CFAP54: variants seen among roughly 807,000 people sequenced by gnomAD.
CFAP54 encodes cilia- and flagella-associated protein 54.
CFAP54 carries 290 observed loss-of-function variants against 370.4 expected under a neutral mutation model. That is an observed-to-expected ratio of 0.78 (90% confidence interval 0.71 to 0.86). The LOEUF is 0.86. Among genes scored for constraint, CFAP54 ranks in the 40% least tolerant of loss-of-function variants. The pLI is 0.00. For synonymous variants in CFAP54, 1,206 were observed against 1,236.5 expected (o/e 0.98, Z 0.52); for missense variants, 3,399 against 3,528.7 (o/e 0.96, Z 0.93).
intron 14 of CFAP54, among the ~76,000 whole-genome samples, chr12:96,542,817 A>G (rs1294807264): frequency 6.6e-6 from 1 of 152,232 alleles, no homozygotes; most frequent in Non-Finnish European, 1.5e-5. Context: ...ATCAGAATCC[A>G]AACAAGGCCC....
At chr12:96,817,725 T>C (rs1224547018) in intron 64 of CFAP54, 50 bp from the exon 65 acceptor site, 6 of 1,273,630 alleles carry the variant, frequency 4.7e-6, no homozygotes, top group Non-Finnish European at 6.1e-6. Flanking sequence ...CGGCCATAAA[T>C]ACCTTTCTTA....
chr12:96,747,281 C>T (rs1321464577), intron 55 of CFAP54, among the ~76,000 whole-genome samples: 2 of 152,168 alleles, frequency 1.3e-5, no homozygotes, highest in Non-Finnish European at 2.9e-5. Context: ...CACAACATTA[C>T]AAAATATTCA....
chr12:96,834,618 T>G (rs529729384), intron 66 of CFAP54, among the ~76,000 whole-genome samples: 10 of 152,322 alleles, frequency 6.6e-5, no homozygotes, highest in African/African-American at 1.9e-4. Flanking sequence ...AACACAGTGG[T>G]GCCCAGAAGC....
intron 47 of CFAP54, among the ~76,000 whole-genome samples, chr12:96,705,231 C>A (rs926925375): frequency 6.6e-6 from 1 of 152,000 alleles, no homozygotes; most frequent in South Asian, 2.1e-4. Flanking sequence ...TAGGAAACAG[C>A]ATTAAGTAAG....
At chr12:96,550,456 A>G (rs1181840145) in intron 15 of CFAP54, among the ~76,000 whole-genome samples, 2 of 152,190 alleles carry the variant, frequency 1.3e-5, no homozygotes, top group Admixed American at 6.5e-5. Context: ...GCCTGCCTGT[A>G]GTCCCAGCTA....
At chr12:96,850,993 C>G (rs181610258) in intron 66 of CFAP54, among the ~76,000 whole-genome samples, 15 of 152,306 alleles carry the variant, frequency 9.8e-5, no homozygotes, top group Admixed American at 5.2e-4. Flanking sequence ...CAAACCATAT[C>G]AGTGTAAAAA....
At chr12:96,684,244 G>A (rs7305772) in intron 40 of CFAP54, among the ~76,000 whole-genome samples, 37,348 of 151,976 alleles carry the variant, frequency 0.25, 4,759 homozygotes, top group South Asian at 0.29. Context: ...GGCAGTCAGA[G>A]GCCCTCAGAA....
intron 26 of CFAP54, among the ~76,000 whole-genome samples, chr12:96,609,186 C>CTTA (rs1375004311): frequency 6.6e-6 from 1 of 152,162 alleles, no homozygotes; most frequent in East Asian, 1.9e-4. Flanking sequence ...ATGTAGTGTC[C>CTTA]TTCAAATCTG....
At chr12:96,643,749 C>T (rs1337419157) in intron 32 of CFAP54, among the ~76,000 whole-genome samples, 1 of 152,076 alleles carries the variant, frequency 6.6e-6, no homozygotes, top group South Asian at 2.1e-4. Flanking sequence ...TAGAGTCTAA[C>T]TAATGTTAGA....
rs1248097317 is a variant in CFAP54 at position 96,658,337 on chromosome 12, T to C, written c.5451T>C (p.Tyr1817=). 2.5e-6 allele frequency: 4 copies of C among 1,614,062 alleles called. No homozygotes were observed. The highest frequency in any genetic ancestry group is 3.4e-6 in the Non-Finnish European group (4 of 1,179,986). The change falls in exon 38 of 68, where the codon TAT becomes TAC. Residue 1817 remains tyrosine (Y), a synonymous_variant. Coordinates refer to ENST00000524981, the MANE Select transcript of CFAP54 (RefSeq NM_001306084.2). ...CTTGTGCAAGGTATGAGGCTGAATA[T>C]GGAGAGAAGGTAAGTTTAAGTTAGT... ...QQPCARYEAE[Y]GEKITCRNFI... is the part of the protein sequence containing the mutation.
At chr12:96,655,678 C>CA (rs1339065107) in intron 36 of CFAP54, among the ~76,000 whole-genome samples, 1 of 151,110 alleles carries the variant, frequency 6.6e-6, no homozygotes, top group East Asian at 1.9e-4. Context: ...TTTTTTTTAA[C>CA]AAAAAATTTA....
intron 46 of CFAP54, 61 bp downstream of exon 46, chr12:96,700,154 G>A: frequency 6.7e-7 from 1 of 1,497,644 alleles, no homozygotes. Context: ...TTCCTAAAAT[G>A]TAAGGAACAT....
chr12:96,582,318 G>A (rs187301052), intron 22 of CFAP54, among the ~76,000 whole-genome samples: 1 of 152,142 alleles, frequency 6.6e-6, no homozygotes, highest in Non-Finnish European at 1.5e-5. Flanking sequence ...GCTAGGAAGA[G>A]TGACTCATTG....
At chr12:96,822,526 G>A (rs1211529973) in intron 65 of CFAP54, among the ~76,000 whole-genome samples, 1 of 152,136 alleles carries the variant, frequency 6.6e-6, no homozygotes, top group African/African-American at 2.4e-5. Flanking sequence ...CAGGCTTGAG[G>A]AGGTGAGAAT....
At chr12:96,648,183 C>T (rs930297918) in intron 34 of CFAP54, among the ~76,000 whole-genome samples, 166 bp downstream of exon 34, 2 of 152,114 alleles carry the variant, frequency 1.3e-5, no homozygotes, top group African/African-American at 4.8e-5. Context: ...CTTGTTTGCT[C>T]TATTTTAAAA....
intron 32 of CFAP54, among the ~76,000 whole-genome samples, chr12:96,636,137 T>G (rs1326305643): frequency 6.6e-6 from 1 of 152,188 alleles, no homozygotes; most frequent in Non-Finnish European, 1.5e-5. Flanking sequence ...CCACAGGGAC[T>G]TTCTGTGAGT....
At chr12:96,826,255 T>C (rs1959100581) in intron 65 of CFAP54, among the ~76,000 whole-genome samples, 1 of 129,574 alleles carries the variant, frequency 7.7e-6, no homozygotes, top group African/African-American at 2.9e-5. Flanking sequence ...TCTAAAACCA[T>C]AGATAATTCA....
At chr12:96,771,630 C>T (rs1195382500) in intron 60 of CFAP54, among the ~76,000 whole-genome samples, 2 of 152,044 alleles carry the variant, frequency 1.3e-5, no homozygotes, top group Admixed American at 6.6e-5. Flanking sequence ...CCGGCCTGGG[C>T]AAAAGAGCGA....
chr12:96,638,468 G>C (rs1272317585), intron 32 of CFAP54, among the ~76,000 whole-genome samples: 1 of 151,412 alleles, frequency 6.6e-6, no homozygotes. Context: ...GAACTCCTGG[G>C]CCCAAGTGAT....
Sources: allele counts gnomAD v4.1 joint callset (sites outside exome capture counted in the v4.1 genomes callset), GRCh38; gene constraint gnomAD v4.1.1; transcripts MANE v1.5; gene names NCBI Gene and HGNC (gene_info 2026-07-23, HGNC 2026-07-21).